Variants in PRCP observed in about 807,000 individuals in gnomAD.
PRCP encodes the protein lysosomal Pro-X carboxypeptidase.
In PRCP, 46 loss-of-function variants were observed where a neutral mutation model predicts 54.2. The ratio of observed to expected loss-of-function variants is 0.85; its 90% CI spans 0.67 to 1.09. PRCP has a LOEUF of 1.09. Among genes scored for constraint, PRCP ranks in the 50% least tolerant of loss-of-function variants. PRCP has a pLI of 0.00. For missense variants in PRCP, 613 were observed against 596.8 expected, an observed-to-expected ratio of 1.03 and a Z score of -0.28; for synonymous variants, 240 against 212.2, an observed-to-expected ratio of 1.13 and a Z score of -1.14.
chr11:82,859,751 G>C (rs1409482313), intron 2 of PRCP, among the ~76,000 whole-genome samples: 5 of 152,172 alleles, frequency 3.3e-5, no homozygotes, highest in African/African-American at 9.6e-5. Flanking sequence ...CTTTAAAGCT[G>C]AATATGCAGA....
At chr11:82,849,403 T>G (rs10792654) in intron 5 of PRCP, among the ~76,000 whole-genome samples, 185 bp from the exon 6 acceptor site, 71,088 of 152,032 alleles carry the variant, frequency 0.47, 16,761 homozygotes, top group Admixed American at 0.53. Flanking sequence ...GAGTTTACCA[T>G]AATTAGTATT....
At chr11:82,895,552 T>G (rs927483480) in intron 1 of PRCP, among the ~76,000 whole-genome samples, 2 of 152,144 alleles carry the variant, frequency 1.3e-5, no homozygotes, top group Non-Finnish European at 2.9e-5. Context: ...ATCCATCATA[T>G]CTAAGGGGAA....
intron 8 of PRCP, among the ~76,000 whole-genome samples, chr11:82,833,106 T>C (rs932340060): frequency 1.3e-5 from 2 of 152,186 alleles, no homozygotes; most frequent in Admixed American, 6.5e-5. Context: ...ATCATCCTTA[T>C]CAACAACCGG....
Position 82,860,029 on chromosome 11 carries a change from A to G in PRCP, c.257T>C (p.Ile86Thr). The change falls in exon 2 of 9, where the codon ATA (isoleucine) becomes ACA (threonine). Residue 86 changes from isoleucine (I) to threonine (T), a missense_variant. By Grantham distance (89) the Ile-to-Thr change is moderately conservative. Coordinates refer to ENST00000313010, the MANE Select transcript of PRCP (RefSeq NM_005040.4). ...CCCTTCATTACCAGTGTAGAAAAGT[A>G]TTGATCCACCATTTTTCTTCCAGTA... ...DKYWKKNGGS[I>T]LFYTGNEGDI... 1.3e-6 allele frequency: 2 copies of G among 1,591,722 alleles called. No individual in the cohort carries two copies. Among genetic ancestry groups the G allele is most frequent in the Non-Finnish European group, 1.7e-6 (2 of 1,170,080 alleles).
intron 1 of PRCP, among the ~76,000 whole-genome samples, chr11:82,884,183 G>C (rs567313502): frequency 1.3e-5 from 2 of 152,240 alleles, no homozygotes; most frequent in Non-Finnish European, 2.9e-5. Context: ...TTGGGTTGTA[G>C]TTCCTGGTTT....
chr11:82,860,430 C>G (rs1859183066), intron 1 of PRCP, among the ~76,000 whole-genome samples: 1 of 151,848 alleles, frequency 6.6e-6, no homozygotes, highest in Admixed American at 6.6e-5. Flanking sequence ...ACAATGTGAA[C>G]CCTTTTTTAA....
intron 2 of PRCP, among the ~76,000 whole-genome samples, chr11:82,855,587 C>T (rs374710802): frequency 1.1e-4 from 16 of 151,974 alleles, no homozygotes; most frequent in Non-Finnish European, 2.1e-4. Context: ...CCACTGCACT[C>T]GAGCCTGGGC....
At chr11:82,842,288 C>A (rs1214154689) in intron 6 of PRCP, among the ~76,000 whole-genome samples, 1 of 152,160 alleles carries the variant, frequency 6.6e-6, no homozygotes, top group Non-Finnish European at 1.5e-5. Flanking sequence ...GCTGACAATA[C>A]TTGGGTTTCA....
chr11:82,871,864 A>T (rs1047506694), intron 1 of PRCP, among the ~76,000 whole-genome samples: 4 of 152,260 alleles, frequency 2.6e-5, no homozygotes, highest in African/African-American at 4.8e-5. Context: ...AGAGCTGAGT[A>T]CAATATGTAA....
At chr11:82,886,821 A>G (rs972107757) in intron 1 of PRCP, among the ~76,000 whole-genome samples, 1 of 152,240 alleles carries the variant, frequency 6.6e-6, no homozygotes, top group African/African-American at 2.4e-5. Flanking sequence ...ATTCAGTGCC[A>G]TCACAAGATG....
intron 1 of PRCP, among the ~76,000 whole-genome samples, chr11:82,897,237 C>T (rs990211879): frequency 6.6e-6 from 1 of 151,060 alleles, no homozygotes; most frequent in African/African-American, 2.4e-5. Context: ...TATTTGAAGA[C>T]CTTGAAAAAG....
intron 1 of PRCP, among the ~76,000 whole-genome samples, chr11:82,868,774 C>G (rs1322422728): frequency 6.6e-6 from 1 of 152,186 alleles, no homozygotes; most frequent in Non-Finnish European, 1.5e-5. Context: ...ATGGCTCACA[C>G]CTTTAATCCC....
intron 6 of PRCP, among the ~76,000 whole-genome samples, chr11:82,842,556 A>G (rs901843050): frequency 1.3e-5 from 2 of 152,198 alleles, no homozygotes; most frequent in Admixed American, 1.3e-4. Flanking sequence ...CCCACCTTTC[A>G]TCATTACAAA....
intron 6 of PRCP, chr11:82,840,440 T>A (rs535312991): frequency 2.5e-4 from 38 of 152,310 alleles, no homozygotes; most frequent in Admixed American, 9.8e-4. Flanking sequence ...AAGAGGAAGA[T>A]GTCTGCAATT....
intron 1 of PRCP, among the ~76,000 whole-genome samples, chr11:82,879,810 C>A (rs1038660070): frequency 1.3e-5 from 2 of 152,146 alleles, no homozygotes; most frequent in East Asian, 1.9e-4. Context: ...CCTTCCAGAC[C>A]CTGTTTGCCT....
At chr11:82,868,030 A>C (rs944921312) in intron 1 of PRCP, among the ~76,000 whole-genome samples, 1 of 152,210 alleles carries the variant, frequency 6.6e-6, no homozygotes, top group South Asian at 2.1e-4. Context: ...ATATGTTCAC[A>C]TGATTGAAAC....
At chr11:82,862,728 T>A (rs1053158080) in intron 1 of PRCP, among the ~76,000 whole-genome samples, 8 of 152,230 alleles carry the variant, frequency 5.3e-5, no homozygotes, top group Admixed American at 2.0e-4. Flanking sequence ...GACTGTCTAC[T>A]TTTCAGGAAA....
chr11:82,826,884 A>ACACGCTTTGGGATCAGG (rs1430037506), intron 8 of PRCP: 1 of 152,174 alleles, frequency 6.6e-6, no homozygotes, highest in Admixed American at 6.5e-5. Context: ...TTGGGATCAG[A>ACACGCTTTGGGATCAGG]CACACTTTGG....
At chr11:82,855,037 A>C (rs1279350393) in intron 2 of PRCP, among the ~76,000 whole-genome samples, 1 of 152,212 alleles carries the variant, frequency 6.6e-6, no homozygotes. Flanking sequence ...TGGATAAAAG[A>C]CTTAAATGTA....
Sources: allele counts gnomAD v4.1 joint callset (sites outside exome capture counted in the v4.1 genomes callset), GRCh38; gene constraint gnomAD v4.1.1; transcripts MANE v1.5; gene names NCBI Gene and HGNC (gene_info 2026-07-23, HGNC 2026-07-21).